The following ZNF69 variants were observed in gnomAD, a reference collection of about 807,000 sequenced individuals.
ZNF69 encodes the protein ZNF3.
In ZNF69, 47 loss-of-function variants were observed where a neutral mutation model predicts 50.9. The observed-to-expected ratio is 0.92, with a 90% CI of 0.73 to 1.18. The LOEUF (loss-of-function observed/expected upper bound fraction) is 1.18. Ranked by LOEUF, ZNF69 falls within the 50% of genes most tolerant of loss-of-function variation. The pLI is 0.00. For missense variants in ZNF69, 717 were observed against 675.1 expected, an observed-to-expected ratio of 1.06 and a Z score of -0.69; for synonymous variants, 216 against 223.1, an observed-to-expected ratio of 0.97 and a Z score of 0.29.
chr19:11,977,282 T>C, the ZNF69 span: 14 of 1,604,506 alleles, frequency 8.7e-6, no homozygotes, highest in Non-Finnish European at 1.2e-5. Flanking sequence ...AAATGAGGCA[T>C]GGCTGCAGTA....
chr19:11,959,770 T>C, the ZNF69 span, among the ~76,000 whole-genome samples: 6,312 of 152,324 alleles, frequency 0.041, 252 homozygotes, highest in African/African-American at 0.1. Flanking sequence ...AAATTTACTA[T>C]GAAATGTCGA....
At chr19:11,951,441 G>A in the ZNF69 span, among the ~76,000 whole-genome samples, 3 of 151,828 alleles carry the variant, frequency 2.0e-5, no homozygotes, top group Admixed American at 2.0e-4. Flanking sequence ...ATATTAGCCA[G>A]ACTGGTCTCA....
chr19:11,974,099 TTC>T, the ZNF69 span, among the ~76,000 whole-genome samples: 1 of 96,028 alleles, frequency 1.0e-5, no homozygotes, highest in Non-Finnish European at 2.1e-5. Flanking sequence ...CTTTCTTTCT[TTC>T]TTTCTTTCTT....
the ZNF69 span, chr19:11,950,590 G>T: frequency 2.0e-6 from 1 of 499,394 alleles, no homozygotes. Flanking sequence ...CGGCATGGAA[G>T]GGTTCACACT....
At chr19:11,928,731 CAAAA>C in the ZNF69 span, among the ~76,000 whole-genome samples, 16 of 53,434 alleles carry the variant, frequency 3.0e-4, 2 homozygotes, top group South Asian at 1.3e-3. Flanking sequence ...GACTCCGTCT[CAAAA>C]AAAAAAAAAA....
At chr19:11,911,585 C>G (rs1972458909), downstream of ZNF69, among the ~76,000 whole-genome samples, 1 of 152,112 alleles carries the variant, frequency 6.6e-6, no homozygotes, top group Non-Finnish European at 1.5e-5. Context: ...AGAAAACCAA[C>G]ACTGCATATT....
chr19:11,923,691 C>T, the ZNF69 span, among the ~76,000 whole-genome samples: 1 of 152,228 alleles, frequency 6.6e-6, no homozygotes. Flanking sequence ...ATTTTTCCTC[C>T]CCCACTTTAT....
At chr19:11,952,147 C>T in the ZNF69 span, among the ~76,000 whole-genome samples, 1 of 151,938 alleles carries the variant, frequency 6.6e-6, no homozygotes, top group African/African-American at 2.4e-5. Flanking sequence ...CCATTGCACT[C>T]CTGCATGGGC....
At chr19:11,932,690 T>G in the ZNF69 span, among the ~76,000 whole-genome samples, 2 of 139,264 alleles carry the variant, frequency 1.4e-5, no homozygotes, top group Non-Finnish European at 3.0e-5. Flanking sequence ...CAGGCTGGAG[T>G]GCAGTGGCGT....
chr19:11,929,696 T>C, the ZNF69 span, among the ~76,000 whole-genome samples: 19 of 148,232 alleles, frequency 1.3e-4, 2 homozygotes, highest in Admixed American at 1.2e-3. Flanking sequence ...CCAGGGCAAC[T>C]GGTTCCCCCT....
chr19:11,950,266 T>G, the ZNF69 span: 1 of 1,600,898 alleles, frequency 6.2e-7, no homozygotes, highest in Non-Finnish European at 8.5e-7. Flanking sequence ...TGGTTCCTTT[T>G]ATGGACATGA....
At chr19:11,930,172 TTCTC>T in the ZNF69 span, among the ~76,000 whole-genome samples, 1 of 148,448 alleles carries the variant, frequency 6.7e-6, no homozygotes, top group African/African-American at 2.6e-5. Context: ...GGTGCTCACC[TTCTC>T]TCTCCTAACT....
chr19:11,940,988 GT>G, the ZNF69 span, among the ~76,000 whole-genome samples: 1 of 151,920 alleles, frequency 6.6e-6, no homozygotes, highest in Non-Finnish European at 1.5e-5. Context: ...TAGATACAGA[GT>G]GCCGATTGGT....
At chr19:11,949,298 A>T in the ZNF69 span, 1 of 1,614,114 alleles carries the variant, frequency 6.2e-7, no homozygotes, top group South Asian at 1.1e-5. Flanking sequence ...CAGTGTGGGA[A>T]AGCCTTCAGA....
chr19:11,969,116 T>A, the ZNF69 span, among the ~76,000 whole-genome samples: 303 of 152,284 alleles, frequency 2.0e-3, 2 homozygotes, highest in African/African-American at 6.8e-3. Flanking sequence ...GCTTGTTTGT[T>A]TGTTTTGAGA....
the ZNF69 span, among the ~76,000 whole-genome samples, chr19:11,965,466 G>T: frequency 6.6e-6 from 1 of 152,210 alleles, no homozygotes; most frequent in African/African-American, 2.4e-5. Flanking sequence ...GCAGTTCCGC[G>T]CCCGCAGCCC....
chr19:11,907,837 G>A (rs1211997683), downstream of ZNF69, among the ~76,000 whole-genome samples: 1 of 152,184 alleles, frequency 6.6e-6, no homozygotes, highest in Non-Finnish European at 1.5e-5. Flanking sequence ...AACCTTCAAT[G>A]TAAATGGGCT....
the ZNF69 span, among the ~76,000 whole-genome samples, chr19:11,954,996 ATTTTTT>A: frequency 2.9e-5 from 3 of 101,712 alleles, no homozygotes; most frequent in African/African-American, 1.2e-4. Flanking sequence ...TTTCAAAAAA[ATTTTTT>A]TTTTTTTTTT....
chr19:11,932,264 A>T, the ZNF69 span, among the ~76,000 whole-genome samples: 3 of 148,278 alleles, frequency 2.0e-5, no homozygotes, highest in Non-Finnish European at 4.4e-5. Context: ...GGATCTGTTG[A>T]GCCTAGGAGT....
Sources: allele counts gnomAD v4.1 joint callset (sites outside exome capture counted in the v4.1 genomes callset), GRCh38; gene constraint gnomAD v4.1.1; transcripts MANE v1.5; gene names NCBI Gene and HGNC (gene_info 2026-07-23, HGNC 2026-07-21).